Variants in PAPPA2 observed in about 807,000 individuals in gnomAD.
PAPPA2 encodes the protein pappalysin 2, also known as pappalysin-2.
A neutral mutation model predicts 176.4 loss-of-function variants in PAPPA2; 86 were observed. That is an observed-to-expected ratio of 0.49 (90% CI 0.41 to 0.58). The LOEUF (loss-of-function observed/expected upper bound fraction) is 0.58. Among genes scored for constraint, PAPPA2 ranks in the 20% least tolerant of loss-of-function variants. The pLI, the probability that PAPPA2 is intolerant of heterozygous loss-of-function variation, is 0.00. For synonymous variants in PAPPA2, 809 were observed against 852.2 expected (o/e 0.95, Z 0.88); for missense variants, 2,073 against 2,256.9 (o/e 0.92, Z 1.65).
chr1:176,767,788 C>T lies in PAPPA2; in HGVS notation c.4324-1819C>T, dbSNP rs372068250. On this transcript the variant is annotated intron_variant, in intron 15 of 22. Coordinates refer to ENST00000367662, the MANE Select transcript of PAPPA2 (RefSeq NM_020318.3). Reference sequence around the variant, plus strand: ...CCACATGGCACAGTCAGCAACAGTGCTCTCCAGCTGACCAAACGTGCTGTC... The same window carrying T: ...CCACATGGCACAGTCAGCAACAGTGTTCTCCAGCTGACCAAACGTGCTGTC... 6.0e-4 allele frequency among the ~76,000 whole-genome samples: 92 copies of T among 152,334 alleles called. 1 individual carries two copies. The South Asian group carries it at 0.017, about 28-fold the overall frequency.
chr1:176,765,945 G>A, intron 15 of PAPPA2, 108 bp downstream of exon 15: 1 of 1,338,080 alleles, frequency 7.5e-7, no homozygotes, highest in Non-Finnish European at 1.0e-6. Context: ...TAAACCATTT[G>A]AAAGCAAAAC....
intron 16 of PAPPA2, 68 bp from the exon 17 acceptor site, chr1:176,770,899 C>T: frequency 6.8e-7 from 1 of 1,465,954 alleles, no homozygotes; most frequent in Non-Finnish European, 9.5e-7. Context: ...GTTTTTATTT[C>T]ATCTGCTATG....
chr1:176,595,257 C>T lies in PAPPA2; in HGVS notation c.1653C>T (p.His551=), dbSNP rs771412206. 13 of 1,614,092 alleles carry T rather than the reference C, an allele frequency of 8.1e-6. No homozygotes were observed. Among genetic ancestry groups the T allele is most frequent in the African/African-American group, 4.0e-5 (3 of 74,938 alleles). The change falls in exon 3 of 23, where the codon CAC becomes CAT. Residue 551 remains histidine (H), a synonymous_variant. Transcript: ENST00000367662. ...GTGAGGAGCAGATTCGTCTGCAGCA[C>T]GAGGCACTGAATGAGGCCTTCAGCC... ...IVSEEQIRLQ[H]EALNEAFSRY...
chr1:176,640,162 T>C (rs911405513), intron 3 of PAPPA2, among the ~76,000 whole-genome samples: 1 of 150,582 alleles, frequency 6.6e-6, no homozygotes, highest in Non-Finnish European at 1.5e-5. Flanking sequence ...ATGAATTTTA[T>C]TTTTTATTTT....
At chr1:176,539,404 C>A (rs1263408783) in intron 1 of PAPPA2, among the ~76,000 whole-genome samples, 1 of 152,196 alleles carries the variant, frequency 6.6e-6, no homozygotes, top group Non-Finnish European at 1.5e-5. Context: ...CAGAGGAAAT[C>A]CCTTACACAT....
Position 176,594,563 on chromosome 1 carries a change from G to C in PAPPA2, c.959G>C (p.Gly320Ala). 7 of 1,614,082 alleles carry C rather than the reference G, an allele frequency of 4.3e-6. No individual in the cohort carries two copies. Among genetic ancestry groups the C allele is most frequent in the Non-Finnish European group, 5.9e-6 (7 of 1,180,000 alleles). ...TGCTCCCACACTGTCAGTGACAAAG[G>C]CTGGGCCCTGGGGATCCGCTCAGGG... ...DNCSHTVSDKGWALGIRSGKD... is the reference protein window; with the variant it reads ...DNCSHTVSDKAWALGIRSGKD... The change falls in exon 3 of 23, where the codon GGC (glycine) becomes GCC (alanine). Residue 320 changes from glycine to alanine, a missense_variant. By Grantham distance (60) the Gly-to-Ala change is moderately conservative (BLOSUM62 0). Transcript: ENST00000367662.
chr1:176,494,018 A>G (rs1171164741), intron 1 of PAPPA2, among the ~76,000 whole-genome samples: 1 of 152,236 alleles, frequency 6.6e-6, no homozygotes, highest in East Asian at 1.9e-4. Context: ...AATTGTTAAC[A>G]TCATTGCACA....
chr1:176,531,720 C>T (rs1649816695), intron 1 of PAPPA2, among the ~76,000 whole-genome samples: 1 of 152,180 alleles, frequency 6.6e-6, no homozygotes, highest in Admixed American at 6.5e-5. Flanking sequence ...GTCTAGATGT[C>T]AGTATTTCTC....
At chr1:176,819,268 G>A (rs1040311209) in intron 21 of PAPPA2, among the ~76,000 whole-genome samples, 5 of 152,142 alleles carry the variant, frequency 3.3e-5, no homozygotes, top group Non-Finnish European at 7.4e-5. Flanking sequence ...GTTGGCAAGA[G>A]ATCCTGAATG....
chr1:176,712,518 A>G (rs2102836759), intron 12 of PAPPA2, among the ~76,000 whole-genome samples: 1 of 152,354 alleles, frequency 6.6e-6, no homozygotes, highest in East Asian at 1.9e-4. Context: ...ACTTAGCAGT[A>G]GTGTTCATTT....
At chr1:176,517,873 TAAAG>T (rs1350057189) in intron 1 of PAPPA2, among the ~76,000 whole-genome samples, 1 of 146,910 alleles carries the variant, frequency 6.8e-6, no homozygotes, top group Admixed American at 6.8e-5. Flanking sequence ...TCCAGGGCAA[TAAAG>T]AAAGGAAATT....
At chr1:176,705,040 G>T (rs1476463964) in intron 9 of PAPPA2, among the ~76,000 whole-genome samples, 1 of 152,072 alleles carries the variant, frequency 6.6e-6, no homozygotes, top group African/African-American at 2.4e-5. Flanking sequence ...AAAATATAAA[G>T]TTGCCGACCT....
chr1:176,639,214 TG>T (rs1253385483), intron 3 of PAPPA2, among the ~76,000 whole-genome samples: 1 of 152,184 alleles, frequency 6.6e-6, no homozygotes, highest in East Asian at 1.9e-4. Context: ...TAGTTATTTT[TG>T]GTTGACCCCC....
At chr1:176,696,011 G>C (rs1014175243) in intron 7 of PAPPA2, 152 bp downstream of exon 7, 3 of 1,031,410 alleles carry the variant, frequency 2.9e-6, no homozygotes, top group Non-Finnish European at 1.4e-6. Flanking sequence ...TGTGTGTTTT[G>C]CTGGATATCT....
intron 12 of PAPPA2, among the ~76,000 whole-genome samples, chr1:176,717,954 TAAATAAGTTTCTTAAATA>T (rs1465879023): frequency 6.6e-6 from 1 of 152,196 alleles, no homozygotes; most frequent in Non-Finnish European, 1.5e-5. Flanking sequence ...CAAAGCTAAA[TAAATAAGTTTCTTAAATA>T]AGTTTCTTTT....
chr1:176,762,901 A>G (rs569242812), intron 14 of PAPPA2, among the ~76,000 whole-genome samples: 1 of 152,244 alleles, frequency 6.6e-6, no homozygotes, highest in East Asian at 1.9e-4. Context: ...ACTTGTGAAA[A>G]CATTTTCTTC....
At chr1:176,639,719 C>CTTTTTTT (rs548902178) in intron 3 of PAPPA2, among the ~76,000 whole-genome samples, 1 of 144,340 alleles carries the variant, frequency 6.9e-6, no homozygotes. Context: ...CTTTTTCTTT[C>CTTTTTTT]TTTTTTTTTT....
chr1:176,806,036 A>G (rs1328708340), intron 21 of PAPPA2, among the ~76,000 whole-genome samples: 2 of 148,960 alleles, frequency 1.3e-5, no homozygotes, highest in African/African-American at 2.5e-5. Context: ...AATTACATCT[A>G]GTTTATATCT....
At chr1:176,796,671 TTCTC>T (rs1354313886) in intron 20 of PAPPA2, among the ~76,000 whole-genome samples, 1 of 151,382 alleles carries the variant, frequency 6.6e-6, no homozygotes, top group Non-Finnish European at 1.5e-5. Flanking sequence ...TCTTCTTTCT[TTCTC>T]TTTTTCTTTT....
Sources: allele counts gnomAD v4.1 joint callset (sites outside exome capture counted in the v4.1 genomes callset), GRCh38; gene constraint gnomAD v4.1.1; transcripts MANE v1.5; gene names NCBI Gene and HGNC (gene_info 2026-07-23, HGNC 2026-07-21).